Variants in HYCC1 observed in about 807,000 individuals in gnomAD.
The protein encoded by HYCC1 is hyccin.
chr7:22,961,377 A>C, the HYCC1 span: 3 of 995,218 alleles, frequency 3.0e-6, no homozygotes, highest in Non-Finnish European at 3.1e-6. Flanking sequence ...AACTGAACAA[A>C]ATACAATGAG....
chr7:23,000,638 A>G, the HYCC1 span, among the ~76,000 whole-genome samples: 2 of 152,168 alleles, frequency 1.3e-5, no homozygotes, highest in Non-Finnish European at 2.9e-5. Context: ...CCTGTTATTT[A>G]GTCCTTTGTA....
chr7:22,906,535 G>A, the HYCC1 span, among the ~76,000 whole-genome samples: 23 of 149,826 alleles, frequency 1.5e-4, no homozygotes, highest in African/African-American at 4.7e-4. Flanking sequence ...CCAAGATCGC[G>A]CCACTGCAAT....
At chr7:23,009,012 GAA>G in the HYCC1 span, among the ~76,000 whole-genome samples, 1 of 152,026 alleles carries the variant, frequency 6.6e-6, no homozygotes, top group South Asian at 2.1e-4. Context: ...TGTTTAAAAA[GAA>G]AATTCACATC....
chr7:22,974,726 T>C, the HYCC1 span, among the ~76,000 whole-genome samples: 2 of 152,212 alleles, frequency 1.3e-5, no homozygotes, highest in Admixed American at 1.3e-4. Context: ...TCCTCTGTGA[T>C]ATGGTTTGGC....
At chr7:22,962,957 C>T in the HYCC1 span, among the ~76,000 whole-genome samples, 143 of 152,216 alleles carry the variant, frequency 9.4e-4, no homozygotes, top group African/African-American at 3.3e-3. Context: ...AGCTCTCCAC[C>T]TAAGTACCAG....
the HYCC1 span, among the ~76,000 whole-genome samples, chr7:22,981,935 T>C: frequency 1.2e-3 from 182 of 152,298 alleles, 3 homozygotes; most frequent in Non-Finnish European, 6.3e-4. Context: ...TCTGAACCAT[T>C]AGAGCTATAT....
the HYCC1 span, among the ~76,000 whole-genome samples, chr7:22,964,129 G>C: frequency 7.3e-5 from 11 of 151,638 alleles, no homozygotes; most frequent in Non-Finnish European, 1.3e-4. Flanking sequence ...AATGAAGAAA[G>C]GGACCATGAA....
the HYCC1 span, chr7:22,939,521 A>G: frequency 6.6e-6 from 1 of 152,246 alleles, no homozygotes; most frequent in Non-Finnish European, 1.5e-5. Flanking sequence ...CAGAATAACG[A>G]GCATTGTTTG....
At chr7:22,989,335 A>C in the HYCC1 span, among the ~76,000 whole-genome samples, 1 of 150,738 alleles carries the variant, frequency 6.6e-6, no homozygotes, top group Admixed American at 6.6e-5. Context: ...AGATTTAATC[A>C]AAGTTTTTTG....
the HYCC1 span, chr7:22,945,779 C>T: frequency 3.1e-6 from 5 of 1,613,764 alleles, no homozygotes; most frequent in South Asian, 4.4e-5. Flanking sequence ...GACTGTGACA[C>T]CACTGACTTG....
chr7:22,904,558 G>T, the HYCC1 span, among the ~76,000 whole-genome samples: 1 of 151,952 alleles, frequency 6.6e-6, no homozygotes, highest in Non-Finnish European at 1.5e-5. Context: ...AAAGGTATAA[G>T]TCACATTTTA....
At chr7:23,001,622 T>C in the HYCC1 span, among the ~76,000 whole-genome samples, 1 of 152,150 alleles carries the variant, frequency 6.6e-6, no homozygotes, top group Non-Finnish European at 1.5e-5. Flanking sequence ...GGTAGGGTAC[T>C]GGAGAAAAAG....
At chr7:22,993,856 T>C in the HYCC1 span, among the ~76,000 whole-genome samples, 2 of 152,212 alleles carry the variant, frequency 1.3e-5, no homozygotes, top group Non-Finnish European at 2.9e-5. Context: ...TCCTCTAAAC[T>C]TGAGGATATA....
At chr7:22,966,651 C>T in the HYCC1 span, among the ~76,000 whole-genome samples, 1 of 152,182 alleles carries the variant, frequency 6.6e-6, no homozygotes, top group African/African-American at 2.4e-5. Flanking sequence ...TTTACTCACT[C>T]TTCCCCCGCA....
chr7:22,933,502 G>A, the HYCC1 span, among the ~76,000 whole-genome samples: 1 of 151,890 alleles, frequency 6.6e-6, no homozygotes, highest in Non-Finnish European at 1.5e-5. Flanking sequence ...TCTCTTAGAT[G>A]GTTGCTGTTT....
chr7:22,960,235 G>A, the HYCC1 span: 1 of 1,609,338 alleles, frequency 6.2e-7, no homozygotes, highest in Non-Finnish European at 8.5e-7. Flanking sequence ...GGTTTGACTT[G>A]AAGAGTTACG....
the HYCC1 span, chr7:22,976,759 T>C: frequency 3.1e-6 from 5 of 1,613,720 alleles, no homozygotes; most frequent in East Asian, 4.5e-5. Flanking sequence ...TGACAAACCA[T>C]GCTGGGATAG....
At chr7:22,998,226 C>A in the HYCC1 span, among the ~76,000 whole-genome samples, 1 of 152,182 alleles carries the variant, frequency 6.6e-6, no homozygotes, top group African/African-American at 2.4e-5. Flanking sequence ...ATGCAGCAAA[C>A]AGAATGCTAT....
At chr7:22,948,071 C>A in the HYCC1 span, among the ~76,000 whole-genome samples, 1 of 152,002 alleles carries the variant, frequency 6.6e-6, no homozygotes, top group East Asian at 1.9e-4. Context: ...CTAGTTAATA[C>A]CTGTAGACAT....
Sources: gnomAD v4.1 joint callset for allele counts (sites outside exome capture counted in the v4.1 genomes callset) on GRCh38, gnomAD v4.1.1 for gene constraint, MANE v1.5 for transcripts, NCBI Gene and HGNC (gene_info 2026-07-23, HGNC 2026-07-21) for gene names.